The following C1QTNF7 variants were observed in gnomAD, a reference collection of about 807,000 sequenced individuals.
C1QTNF7 encodes complement C1q tumor necrosis factor-related protein 7.
C1QTNF7 carries 15 observed loss-of-function variants against 19.6 expected under a neutral mutation model. That is an observed-to-expected ratio of 0.76 (90% CI 0.51 to 1.18). The LOEUF is 1.18. Among genes scored for constraint, C1QTNF7 ranks in the 50% most tolerant of loss-of-function variants. The pLI, the probability that C1QTNF7 is intolerant of heterozygous loss-of-function variation, is 0.00. For missense variants in C1QTNF7, 324 were observed against 359.7 expected (o/e 0.90, Z 0.80); for synonymous variants, 142 against 137.5 (o/e 1.03, Z -0.23).
At position 15,371,129 on chromosome 4, in the gene C1QTNF7, C is replaced by T. The variant is rs571618193; in HGVS notation, c.13+30922C>T. ...GGTATGAACAGGCAGCTCCATCCTG[C>T]AGAGGGCCAGGCTGTGCTGCCCTTG... On this transcript the variant is annotated intron_variant, in intron 1 of 2. Transcript: ENST00000295297. Among the ~76,000 whole-genome samples, 4 of 152,356 alleles carry T rather than the reference C, an allele frequency of 2.6e-5. No homozygotes were observed. In the East Asian group the frequency reaches 7.7e-4, roughly 29 times the overall value.
At chr4:15,348,579 C>T (rs1716794656) in intron 1 of C1QTNF7, among the ~76,000 whole-genome samples, 2 of 152,104 alleles carry the variant, frequency 1.3e-5, no homozygotes, top group African/African-American at 2.4e-5. Context: ...ATAGGCAGGG[C>T]AGAGACCCCA....
intron 1 of C1QTNF7, among the ~76,000 whole-genome samples, chr4:15,396,827 C>T (rs1718802807): frequency 6.6e-6 from 1 of 152,156 alleles, no homozygotes; most frequent in Non-Finnish European, 1.5e-5. Flanking sequence ...ACTGAATAAA[C>T]TTTCCTGTAG....
At chr4:15,422,209 T>TA (rs386399348) in intron 1 of C1QTNF7, among the ~76,000 whole-genome samples, 67 of 51,446 alleles carry the variant, frequency 1.3e-3, no homozygotes, top group African/African-American at 2.6e-3. Context: ...CTGTTTTTTT[T>TA]TAAAAAAAAA....
chr4:15,420,937 G>T (rs1711728188), intron 1 of C1QTNF7, among the ~76,000 whole-genome samples: 1 of 143,680 alleles, frequency 7.0e-6, no homozygotes, highest in African/African-American at 2.5e-5. Flanking sequence ...ATGTGATGGA[G>T]TCTGCTGAGG....
chr4:15,431,108 TC>T (rs1712290334), intron 1 of C1QTNF7, among the ~76,000 whole-genome samples: 1 of 144,544 alleles, frequency 6.9e-6, no homozygotes, highest in South Asian at 2.2e-4. Flanking sequence ...ATAGATAGAT[TC>T]ATTGCACCAT....
chr4:15,439,919 T>C (rs1712682130), intron 2 of C1QTNF7, among the ~76,000 whole-genome samples: 2 of 151,818 alleles, frequency 1.3e-5, no homozygotes, highest in South Asian at 4.1e-4. Context: ...TAAATCAATG[T>C]CTTATATATA....
intron 1 of C1QTNF7, among the ~76,000 whole-genome samples, chr4:15,416,636 T>C (rs1403724882): frequency 6.6e-6 from 1 of 152,194 alleles, no homozygotes; most frequent in Non-Finnish European, 1.5e-5. Context: ...CCTGCCTTGA[T>C]TGTAGGGACT....
chr4:15,439,256 C>G (rs1210264101), intron 2 of C1QTNF7, among the ~76,000 whole-genome samples: 1 of 152,146 alleles, frequency 6.6e-6, no homozygotes, highest in Non-Finnish European at 1.5e-5. Flanking sequence ...TATCTATCAC[C>G]CAATTCAGCA....
intron 1 of C1QTNF7, among the ~76,000 whole-genome samples, chr4:15,369,386 A>AT (rs1046447986): frequency 1.3e-5 from 2 of 152,168 alleles, no homozygotes; most frequent in African/African-American, 4.8e-5. Flanking sequence ...TCATGTATGT[A>AT]TTTTTGTATC....
At chr4:15,349,646 C>A (rs1294164851) in intron 1 of C1QTNF7, among the ~76,000 whole-genome samples, 1 of 152,042 alleles carries the variant, frequency 6.6e-6, no homozygotes, top group African/African-American at 2.4e-5. Context: ...TTAAAGTGAC[C>A]CGTGTATTCT....
At chr4:15,390,918 T>C (rs1035944004) in intron 1 of C1QTNF7, among the ~76,000 whole-genome samples, 1 of 152,110 alleles carries the variant, frequency 6.6e-6, no homozygotes, top group Non-Finnish European at 1.5e-5. Flanking sequence ...TTAGCCATAG[T>C]TCCTGCCACC....
At chr4:15,407,195 T>C (rs924580893) in intron 1 of C1QTNF7, among the ~76,000 whole-genome samples, 3 of 152,096 alleles carry the variant, frequency 2.0e-5, no homozygotes, top group Non-Finnish European at 4.4e-5. Flanking sequence ...TACAGCCCCA[T>C]TGGTGGTACA....
rs1349790686 is a variant in C1QTNF7 at position 15,442,277 on chromosome 4, T to A, written c.348T>A (p.Gly116=). ...IGPEGEKGEV[G]PIGPPGPKGD... is the part of the protein sequence containing the mutation. ...CAGAGGGAGAGAAAGGAGAAGTAGGTCCAATTGGTCCTCCTGGACCAAAGG... is the reference window on the plus strand; with the variant it reads ...CAGAGGGAGAGAAAGGAGAAGTAGGACCAATTGGTCCTCCTGGACCAAAGG... The change falls in exon 3 of 3, where the codon GGT becomes GGA. Residue 116 remains glycine (G), a synonymous_variant. Coordinates refer to ENST00000444304, the MANE Select transcript of C1QTNF7 (RefSeq NM_031911.5). The A allele has an allele frequency of 5.0e-6, 8 of 1,613,788 alleles. No homozygotes were observed. Among genetic ancestry groups the A allele is most frequent in the Admixed American group, 1.7e-5 (1 of 59,976 alleles).
chr4:15,444,915 T>C lies in C1QTNF7; in HGVS notation c.*2116T>C, dbSNP rs1712936404. On this transcript the variant is annotated 3_prime_UTR_variant, in exon 3 of 3. Coordinates refer to ENST00000444304, the MANE Select transcript of C1QTNF7 (RefSeq NM_031911.5). Reference sequence around the variant, plus strand: ...GAAAGCCAGCCTGAGAATTGGAGGATTTATTCATAAGAAAGTGTAGAGACC... The same window carrying C: ...GAAAGCCAGCCTGAGAATTGGAGGACTTATTCATAAGAAAGTGTAGAGACC... 6.6e-6 allele frequency: 1 copy of C among 152,230 alleles called. No individual in the cohort carries two copies. The highest frequency in any genetic ancestry group is 2.4e-5 in the African/African-American group (1 of 41,444). 9.4% of individuals were successfully genotyped at this position (152,230 alleles called of 1,614,324 possible).
chr4:15,408,355 A>G (rs1465552191), intron 1 of C1QTNF7, among the ~76,000 whole-genome samples: 1 of 151,572 alleles, frequency 6.6e-6, no homozygotes, highest in East Asian at 1.9e-4. Context: ...ATAAGTATAT[A>G]TGTATGTATG....
At chr4:15,377,837 C>A (rs1485796866) in intron 1 of C1QTNF7, among the ~76,000 whole-genome samples, 1 of 152,194 alleles carries the variant, frequency 6.6e-6, no homozygotes, top group Non-Finnish European at 1.5e-5. Flanking sequence ...ATGTAACACA[C>A]ATAAACAACT....
intron 1 of C1QTNF7, among the ~76,000 whole-genome samples, chr4:15,372,112 AG>A (rs1486838823): frequency 1.3e-5 from 2 of 152,108 alleles, no homozygotes; most frequent in Non-Finnish European, 2.9e-5. Context: ...CAATTCAGTG[AG>A]GGAAAAAAAA....
intron 1 of C1QTNF7, chr4:15,381,788 A>G (rs1368023807): frequency 6.6e-6 from 1 of 152,208 alleles, no homozygotes; most frequent in Non-Finnish European, 1.5e-5. Context: ...ACGCAACTTC[A>G]TGGAACCCAA....
intron 1 of C1QTNF7, among the ~76,000 whole-genome samples, chr4:15,414,429 C>T (rs1719514914): frequency 6.6e-6 from 1 of 152,278 alleles, no homozygotes; most frequent in Non-Finnish European, 1.5e-5. Flanking sequence ...CTAAGCATTG[C>T]CCAATGACAT....
Sources: gnomAD v4.1 joint callset for allele counts (sites outside exome capture counted in the v4.1 genomes callset) on GRCh38, gnomAD v4.1.1 for gene constraint, MANE v1.5 for transcripts, NCBI Gene and HGNC (gene_info 2026-07-23, HGNC 2026-07-21) for gene names.